SERP1: variants seen among roughly 807,000 people sequenced by gnomAD.
SERP1 encodes stress-associated endoplasmic reticulum protein 1.
In SERP1, 6 loss-of-function variants were observed where a neutral mutation model predicts 8.8. That is an observed-to-expected ratio of 0.68 (90% CI 0.37 to 1.35). SERP1 has a LOEUF of 1.35. Ranked by LOEUF, SERP1 falls within the 40% of genes most tolerant of loss-of-function variation. The pLI, the probability that SERP1 is intolerant of heterozygous loss-of-function variation, is 0.02. For missense variants in SERP1, 52 were observed against 86.2 expected (o/e 0.60, Z 1.57); for synonymous variants, 36 against 28.7 (o/e 1.25, Z -0.81).
At position 150,545,838 on chromosome 3, in the gene SERP1, C is replaced by T. The variant is rs966009977; in HGVS notation, c.85-60G>A. 8.0e-6 allele frequency: 12 copies of T among 1,503,098 alleles called. No homozygotes were observed. The African/African-American group carries it at 1.3e-4, about 16-fold the overall frequency. The allele number at this position is 1,503,098 out of a possible 1,614,324, so 93.1% of individuals were successfully genotyped here. ...AGAAACCACTCGGACCCCAGGCTCC[C>T]ACGCCTGCACGCCGGTCGCCGGCCC... On this transcript the variant is annotated intron_variant, in intron 1 of 2. Transcript: ENST00000239944.
At position 150,542,147 on chromosome 3, in the gene SERP1, T is replaced by C. The variant is rs1156978049; in HGVS notation, c.*2311A>G. The C allele has an allele frequency of 2.0e-5, 3 of 152,234 alleles. No homozygotes were observed. Among genetic ancestry groups the C allele is most frequent in the Non-Finnish European group, 4.4e-5 (3 of 68,032 alleles). 9.4% of individuals were successfully genotyped at this position (152,234 alleles called of 1,614,324 possible). A position where few individuals can be genotyped will look rare whatever the true frequency, so the allele number is the denominator to read the frequency against. ...ACAATTAATTGACAACTTGTTGAAA[T>C]GTTAGAGTTAAACCACAAAGAGTAA... On this transcript the variant is annotated 3_prime_UTR_variant, in exon 3 of 3. Transcript: ENST00000239944.
chr3:150,542,011 T>C lies in SERP1; in HGVS notation c.*2447A>G, dbSNP rs924996668. 4 of 152,236 alleles carry C rather than the reference T, an allele frequency of 2.6e-5. No homozygotes were observed. The highest frequency in any genetic ancestry group is 7.2e-5 in the African/African-American group (3 of 41,464). 9.4% of individuals were successfully genotyped at this position (152,236 alleles called of 1,614,324 possible). On this transcript the variant is annotated 3_prime_UTR_variant, in exon 3 of 3. Coordinates refer to ENST00000239944, the MANE Select transcript of SERP1 (RefSeq NM_014445.4). Reference sequence around the variant, plus strand: ...ATGGCCCTGCAGTTGACTATCCACATTTCTTTAATGTAAGTCAAAGCCCAT... The same window carrying C: ...ATGGCCCTGCAGTTGACTATCCACACTTCTTTAATGTAAGTCAAAGCCCAT...
Position 150,544,455 on chromosome 3 carries a change from A to G in SERP1, c.*3T>C. ...GAATGGAAACATCTTAAGGTCAGTCACTTCACATGCCCATCCTGATACTTT... is the reference window on the plus strand; with the variant it reads ...GAATGGAAACATCTTAAGGTCAGTCGCTTCACATGCCCATCCTGATACTTT... On this transcript the variant is annotated 3_prime_UTR_variant, in exon 3 of 3. Transcript: ENST00000239944. 6.2e-7 allele frequency: 1 copy of G among 1,612,650 alleles called. No homozygotes were observed. Among genetic ancestry groups the G allele is most frequent in the Non-Finnish European group, 8.5e-7 (1 of 1,178,806 alleles).
rs373546630 is a variant in SERP1, at chr3:150,544,513, A to G, written c.161-15T>C. The stretch of plus-strand genomic sequence containing the variant: ...CTGGAAAATTGCTGTAAAAAGAAAG[A>G]GCAAATATTAAAATAAGCTTTGAAT... On this transcript the variant is annotated splice_polypyrimidine_tract_variant and intron_variant, in intron 2 of 2. Coordinates refer to ENST00000239944, the MANE Select transcript of SERP1 (RefSeq NM_014445.4). 2.7e-5 allele frequency: 43 copies of G among 1,602,990 alleles called. No homozygotes were observed. The highest frequency in any genetic ancestry group is 3.5e-5 in the Non-Finnish European group (41 of 1,170,786).
At position 150,546,287 on chromosome 3, in the gene SERP1, G is replaced by C. The variant is rs1374140350; in HGVS notation, c.-152C>G. The C allele has an allele frequency of 1.2e-6, 1 of 833,366 alleles. No individual in the cohort carries two copies. The highest frequency in any genetic ancestry group is 1.7e-5 in the South Asian group (1 of 57,178). 51.6% of individuals were successfully genotyped at this position (833,366 alleles called of 1,614,324 possible). A position where few individuals can be genotyped will look rare whatever the true frequency, so the allele number is the denominator to read the frequency against. On this transcript the variant is annotated 5_prime_UTR_variant, in exon 1 of 3. Transcript: ENST00000239944. The stretch of plus-strand genomic sequence containing the variant: ...ACGCTAGCTACGGCCGCTGGGCCTG[G>C]GCGCCGCAAGCGCGAGGTCTGAGCA...
chr3:150,546,302 A>G lies in SERP1; in HGVS notation c.-167T>C. The stretch of plus-strand genomic sequence containing the variant: ...GCTGGGCCTGGGCGCCGCAAGCGCG[A>G]GGTCTGAGCACAAGCCGGGCGCCGG... On this transcript the variant is annotated 5_prime_UTR_variant, in exon 1 of 3. Transcript: ENST00000239944. 1 of 712,358 alleles carries G rather than the reference A, an allele frequency of 1.4e-6. No individual in the cohort carries two copies. The highest frequency in any genetic ancestry group is 2.2e-6 in the Non-Finnish European group (1 of 446,932). The allele number at this position is 712,358 out of a possible 1,614,324, so 44.1% of individuals were successfully genotyped here.
rs752698765 is a variant in SERP1 at position 150,545,730 on chromosome 3, G to C, written c.133C>G (p.Leu45Val). Residue 45 changes from leucine (L) to valine (V), a missense_variant, in exon 2 of 3, where the codon CTC becomes GTC. Transcript: ENST00000239944. ...KASVGPWLLA[L>V]FIFVVCGSAI... The stretch of plus-strand genomic sequence containing the variant: ...GAACCACAGACAACAAAAATGAAGA[G>C]AGCCAATAACCAGGGTCCTACAGAC... 1.9e-6 allele frequency: 3 copies of C among 1,609,116 alleles called. No homozygotes were observed. The highest frequency in any genetic ancestry group is 2.2e-5 in the East Asian group (1 of 44,842).
At position 150,546,253 on chromosome 3, in the gene SERP1, T is replaced by C. The variant is rs943194148; in HGVS notation, c.-118A>G. On this transcript the variant is annotated 5_prime_UTR_variant, in exon 1 of 3. Coordinates refer to ENST00000239944, the MANE Select transcript of SERP1 (RefSeq NM_014445.4). Reference sequence around the variant, plus strand: ...CCGCGCCGCCGGAGCGCCGAGGTTCTCAGGCCAGACGCTAGCTACGGCCGC... The same window carrying C: ...CCGCGCCGCCGGAGCGCCGAGGTTCCCAGGCCAGACGCTAGCTACGGCCGC... 7 of 1,191,296 alleles carry C rather than the reference T, an allele frequency of 5.9e-6. No homozygotes were observed. Among genetic ancestry groups the C allele is most frequent in the African/African-American group, 1.5e-5 (1 of 66,670 alleles). 73.8% of individuals were successfully genotyped at this position (1,191,296 alleles called of 1,614,324 possible). A position where few individuals can be genotyped will look rare whatever the true frequency, so the allele number is the denominator to read the frequency against.
In SERP1 at chr3:150,542,822, A is replaced by G. The variant is rs1417333920; in HGVS notation, c.*1636T>C. ...AGCAAAGAATAAGGCACCTGCTATG[A>G]ATTTAGCACAACCATAAAACAGAAT... On this transcript the variant is annotated 3_prime_UTR_variant, in exon 3 of 3. Transcript: ENST00000239944. The G allele has an allele frequency of 6.6e-6, 1 of 152,636 alleles. No individual in the cohort carries two copies. The highest frequency in any genetic ancestry group is 1.9e-4 in the East Asian group (1 of 5,200). The allele number at this position is 152,636 out of a possible 1,614,324, so 9.5% of individuals were successfully genotyped here. A position where few individuals can be genotyped will look rare whatever the true frequency, so the allele number is the denominator to read the frequency against.
At position 150,544,429 on chromosome 3, in the gene SERP1, A is replaced by G; in HGVS notation, c.*29T>C. 1 of 1,602,088 alleles carries G rather than the reference A, an allele frequency of 6.2e-7. No homozygotes were observed. The highest frequency in any genetic ancestry group is 8.6e-7 in the Non-Finnish European group (1 of 1,169,408). On this transcript the variant is annotated 3_prime_UTR_variant, in exon 3 of 3. Transcript: ENST00000239944. Reference sequence around the variant, plus strand: ...ATGAGTTCAAGTTAAAATTCACAGGAGAATGGAAACATCTTAAGGTCAGTC... The same window carrying G: ...ATGAGTTCAAGTTAAAATTCACAGGGGAATGGAAACATCTTAAGGTCAGTC...
In SERP1 at chr3:150,544,240, C is replaced by G; in HGVS notation, c.*218G>C. 1.9e-6 allele frequency: 1 copy of G among 536,568 alleles called. No homozygotes were observed. Among genetic ancestry groups the G allele is most frequent in the Non-Finnish European group, 3.4e-6 (1 of 297,364 alleles). 33.2% of individuals were successfully genotyped at this position (536,568 alleles called of 1,614,324 possible). On this transcript the variant is annotated 3_prime_UTR_variant, in exon 3 of 3. Coordinates refer to ENST00000239944, the MANE Select transcript of SERP1 (RefSeq NM_014445.4). Reference sequence around the variant, plus strand: ...GTATCTTAACAATCAAATTTTATTGCTTTATTCATGTGGTGTTTTTTGCAA... The same window carrying G: ...GTATCTTAACAATCAAATTTTATTGGTTTATTCATGTGGTGTTTTTTGCAA...
Position 150,546,245 on chromosome 3 carries a change from C to G in SERP1, c.-110G>C, listed in dbSNP as rs1480663024. ...CGTGGTGCCCGCGCCGCCGGAGCGC[C>G]GAGGTTCTCAGGCCAGACGCTAGCT... On this transcript the variant is annotated 5_prime_UTR_variant, in exon 1 of 3. Transcript: ENST00000239944. The G allele has an allele frequency of 3.1e-6, 4 of 1,292,032 alleles. No homozygotes were observed. Among genetic ancestry groups the G allele is most frequent in the Non-Finnish European group, 3.3e-6 (3 of 916,446 alleles). The allele number at this position is 1,292,032 out of a possible 1,614,324, so 80.0% of individuals were successfully genotyped here. A position where few individuals can be genotyped will look rare whatever the true frequency, so the allele number is the denominator to read the frequency against.
At position 150,543,439 on chromosome 3, in the gene SERP1, C is replaced by T. The variant is rs1722919504; in HGVS notation, c.*1019G>A. The T allele has an allele frequency of 6.6e-6, 1 of 152,536 alleles. No individual in the cohort carries two copies. Among genetic ancestry groups the T allele is most frequent in the African/African-American group, 2.4e-5 (1 of 41,412 alleles). The allele number at this position is 152,536 out of a possible 1,614,324, so 9.4% of individuals were successfully genotyped here. A position where few individuals can be genotyped will look rare whatever the true frequency, so the allele number is the denominator to read the frequency against. On this transcript the variant is annotated 3_prime_UTR_variant, in exon 3 of 3. Coordinates refer to ENST00000239944, the MANE Select transcript of SERP1 (RefSeq NM_014445.4). ...ACTTTAGGCTGATGTGTCTAGTACC[C>T]TAATGATTGAAAAATCATTAATCTA...
chr3:150,546,017 T>G (rs753691773), intron 1 of SERP1, 35 bp downstream of exon 1: 1 of 1,611,452 alleles, frequency 6.2e-7, no homozygotes, highest in African/African-American at 1.3e-5. Flanking sequence ...CAGCTCCGGC[T>G]GCGGAACGCA....
rs913092901 is a variant in SERP1 at position 150,546,372 on chromosome 3, G to A, written c.-237C>T. 3.5e-6 allele frequency: 2 copies of A among 570,354 alleles called. No individual in the cohort carries two copies. Among genetic ancestry groups the A allele is most frequent in the Non-Finnish European group, 6.1e-6 (2 of 327,598 alleles). The allele number at this position is 570,354 out of a possible 1,614,324, so 35.3% of individuals were successfully genotyped here. A position where few individuals can be genotyped will look rare whatever the true frequency, so the allele number is the denominator to read the frequency against. On this transcript the variant is annotated 5_prime_UTR_variant, in exon 1 of 3. Coordinates refer to ENST00000239944, the MANE Select transcript of SERP1 (RefSeq NM_014445.4). Reference sequence around the variant, plus strand: ...GCGGGGCAGGTGCGCAGGAGGAAGAGAACTGGCCGCCGGGTCGTTCTCGCG... The same window carrying A: ...GCGGGGCAGGTGCGCAGGAGGAAGAAAACTGGCCGCCGGGTCGTTCTCGCG...
chr3:150,544,410 T>A lies in SERP1; in HGVS notation c.*48A>T, dbSNP rs764945316. 7.8e-6 allele frequency: 12 copies of A among 1,545,030 alleles called. No homozygotes were observed. The highest frequency in any genetic ancestry group is 1.1e-5 in the Non-Finnish European group (12 of 1,117,696). On this transcript the variant is annotated 3_prime_UTR_variant, in exon 3 of 3. Coordinates refer to ENST00000239944, the MANE Select transcript of SERP1 (RefSeq NM_014445.4). ...AGGGTATCAAACATCAGGAATGAGT[T>A]CAAGTTAAAATTCACAGGAGAATGG...
rs1156267002 is a variant in SERP1, at chr3:150,546,386, G to A, written c.-251C>T. 40 of 565,470 alleles carry A rather than the reference G, an allele frequency of 7.1e-5. No individual in the cohort carries two copies. Among genetic ancestry groups the A allele is most frequent in the South Asian group, 6.7e-4 (30 of 44,792 alleles). The allele number at this position is 565,470 out of a possible 1,614,324, so 35.0% of individuals were successfully genotyped here. On this transcript the variant is annotated 5_prime_UTR_variant, in exon 1 of 3. Transcript: ENST00000239944. ...CAGGAGGAAGAGAACTGGCCGCCGGGTCGTTCTCGCGCCGCCGTCGCCGCC... is the reference window on the plus strand; with the variant it reads ...CAGGAGGAAGAGAACTGGCCGCCGGATCGTTCTCGCGCCGCCGTCGCCGCC...
chr3:150,544,388 G>T lies in SERP1; in HGVS notation c.*70C>A, dbSNP rs1344011877. On this transcript the variant is annotated 3_prime_UTR_variant, in exon 3 of 3. Transcript: ENST00000239944. ...CTTTACTGAATTGTTTTCAACCAGG[G>T]TATCAAACATCAGGAATGAGTTCAA... 1 of 1,331,064 alleles carries T rather than the reference G, an allele frequency of 7.5e-7. No homozygotes were observed. Among genetic ancestry groups the T allele is most frequent in the Non-Finnish European group, 1.1e-6 (1 of 923,762 alleles). The allele number at this position is 1,331,064 out of a possible 1,614,324, so 82.5% of individuals were successfully genotyped here. A position where few individuals can be genotyped will look rare whatever the true frequency, so the allele number is the denominator to read the frequency against.
In SERP1 at chr3:150,542,726, C is replaced by G. The variant is rs999481522; in HGVS notation, c.*1732G>C. The G allele has an allele frequency of 6.6e-6, 1 of 152,528 alleles. No individual in the cohort carries two copies. Among genetic ancestry groups the G allele is most frequent in the African/African-American group, 2.4e-5 (1 of 41,412 alleles). The allele number at this position is 152,528 out of a possible 1,614,324, so 9.4% of individuals were successfully genotyped here. A position where few individuals can be genotyped will look rare whatever the true frequency, so the allele number is the denominator to read the frequency against. On this transcript the variant is annotated 3_prime_UTR_variant, in exon 3 of 3. Coordinates refer to ENST00000239944, the MANE Select transcript of SERP1 (RefSeq NM_014445.4). ...TCAGAACATTGTACATTAAAAAACA[C>G]AAACAACAACTTAAAGCCAAATATC... is the stretch of plus-strand genomic sequence containing the variant.
Sources: gnomAD v4.1 joint callset for allele counts on GRCh38, gnomAD v4.1.1 for gene constraint, MANE v1.5 for transcripts, NCBI Gene and HGNC (gene_info 2026-07-23, HGNC 2026-07-21) for gene names.